Variants in CNTN6 observed in about 807,000 individuals in gnomAD.
CNTN6 encodes contactin 6, also known as contactin-6.
A neutral mutation model predicts 122.8 loss-of-function variants in CNTN6; 137 were observed. The observed-to-expected ratio is 1.12, with a 90% CI of 0.97 to 1.29. The LOEUF (loss-of-function observed/expected upper bound fraction) is 1.29, where lower values mean the gene tolerates loss of function less well. Among genes scored for constraint, CNTN6 ranks in the 50% most tolerant of loss-of-function variants. The pLI is 0.00. For missense variants in CNTN6, 1,634 were observed against 1,223.4 expected (o/e 1.34, Z -5.01); for synonymous variants, 570 against 426.0 (o/e 1.34, Z -4.16).
chr3:1,247,708 C>G (rs2094601927), intron 4 of CNTN6, among the ~76,000 whole-genome samples: 1 of 152,190 alleles, frequency 6.6e-6, no homozygotes, highest in Admixed American at 6.5e-5. Context: ...GAACCTGCAT[C>G]AAGAGCAGTG....
chr3:1,314,238 G>A (rs892664456), intron 7 of CNTN6, among the ~76,000 whole-genome samples: 1 of 152,038 alleles, frequency 6.6e-6, no homozygotes, highest in African/African-American at 2.4e-5. Flanking sequence ...ATTTCAAATT[G>A]GGGAAATGAA....
intron 7 of CNTN6, among the ~76,000 whole-genome samples, chr3:1,307,622 T>G (rs1698570443): frequency 1.3e-5 from 2 of 152,160 alleles, no homozygotes; most frequent in Admixed American, 1.3e-4. Flanking sequence ...ATTCCAAGAT[T>G]CCATCCAGAA....
At chr3:1,343,714 C>G (rs1432500869) in intron 11 of CNTN6, among the ~76,000 whole-genome samples, 1 of 151,760 alleles carries the variant, frequency 6.6e-6, no homozygotes, top group Non-Finnish European at 1.5e-5. Context: ...GGCTCTCTCT[C>G]TCTATATATA....
intron 1 of CNTN6, among the ~76,000 whole-genome samples, chr3:1,110,168 A>G (rs149167059): frequency 6.6e-6 from 1 of 152,146 alleles, no homozygotes; most frequent in Non-Finnish European, 1.5e-5. Context: ...CAAGTCCTAT[A>G]AAAACAGATA....
intron 7 of CNTN6, among the ~76,000 whole-genome samples, chr3:1,308,256 T>A (rs1698668035): frequency 6.6e-6 from 1 of 151,506 alleles, no homozygotes; most frequent in Admixed American, 6.6e-5. Flanking sequence ...CTTGTGCCCT[T>A]TGTTATGCAC....
chr3:1,172,810 T>C (rs192725136), intron 2 of CNTN6, among the ~76,000 whole-genome samples: 15 of 152,352 alleles, frequency 9.8e-5, no homozygotes, highest in Non-Finnish European at 1.8e-4. Flanking sequence ...GTTCTATCTA[T>C]AGCCCTGTCA....
chr3:1,185,186 T>G (rs2093611114), intron 2 of CNTN6, among the ~76,000 whole-genome samples: 1 of 152,184 alleles, frequency 6.6e-6, no homozygotes, highest in South Asian at 2.1e-4. Context: ...TAATAGAATA[T>G]GTCCTATTTG....
chr3:1,283,774 C>T (rs965890940), intron 5 of CNTN6, among the ~76,000 whole-genome samples: 2 of 152,038 alleles, frequency 1.3e-5, no homozygotes, highest in African/African-American at 4.8e-5. Context: ...CCAAGGTGGG[C>T]AGATCACCTG....
At chr3:1,246,772 T>C (rs947277572) in intron 4 of CNTN6, among the ~76,000 whole-genome samples, 2 of 152,192 alleles carry the variant, frequency 1.3e-5, no homozygotes, top group African/African-American at 2.4e-5. Context: ...TCCTGATCAC[T>C]AATGAAATTG....
chr3:1,321,927 C>A, intron 8 of CNTN6, 93 bp downstream of exon 8: 1 of 1,121,724 alleles, frequency 8.9e-7, no homozygotes, highest in South Asian at 1.6e-5. Flanking sequence ...GAAAAAGTGT[C>A]ACGGGAGAAA....
chr3:1,379,132 T>C (rs1358902851), intron 17 of CNTN6, among the ~76,000 whole-genome samples: 2 of 152,154 alleles, frequency 1.3e-5, no homozygotes, highest in East Asian at 3.9e-4. Flanking sequence ...CAGTCTATAA[T>C]GAGGGCCCAA....
chr3:1,248,933 C>T (rs1293692735), intron 4 of CNTN6, among the ~76,000 whole-genome samples: 1 of 152,128 alleles, frequency 6.6e-6, no homozygotes, highest in East Asian at 1.9e-4. Context: ...CTTCCTTAAT[C>T]ATTCAACTAA....
chr3:1,147,496 C>T (rs1200257232), intron 1 of CNTN6, among the ~76,000 whole-genome samples: 1 of 152,044 alleles, frequency 6.6e-6, no homozygotes, highest in Non-Finnish European at 1.5e-5. Flanking sequence ...TTAGATTTCT[C>T]TTTTGGGCTA....
At chr3:1,372,579 CACTG>C (rs746807466) in intron 13 of CNTN6, 105 bp downstream of exon 13, 8 of 980,642 alleles carry the variant, frequency 8.2e-6, no homozygotes, top group African/African-American at 3.3e-5. Context: ...CATGGATAAT[CACTG>C]ACTGTTTTTG....
intron 4 of CNTN6, among the ~76,000 whole-genome samples, chr3:1,268,192 T>C (rs1255598091): frequency 6.6e-6 from 1 of 152,190 alleles, no homozygotes; most frequent in East Asian, 1.9e-4. Flanking sequence ...TTCTGGCTAT[T>C]GTATGTCCAC....
At chr3:1,193,159 C>G (rs374766756) in intron 2 of CNTN6, among the ~76,000 whole-genome samples, 2 of 152,134 alleles carry the variant, frequency 1.3e-5, no homozygotes, top group African/African-American at 4.8e-5. Context: ...CCAAATTAAG[C>G]GCAGGTTAAC....
At chr3:1,191,572 T>C (rs1268772349) in intron 2 of CNTN6, among the ~76,000 whole-genome samples, 1 of 152,180 alleles carries the variant, frequency 6.6e-6, no homozygotes, top group African/African-American at 2.4e-5. Flanking sequence ...TGTTTATTCG[T>C]ATCTTTGTAA....
chr3:1,270,049 T>G (rs1274986917), intron 4 of CNTN6, among the ~76,000 whole-genome samples: 2 of 152,204 alleles, frequency 1.3e-5, no homozygotes, highest in African/African-American at 4.8e-5. Context: ...TTTACAGCGT[T>G]TGACAATAAC....
At chr3:1,385,821 A>G in intron 20 of CNTN6, 24 bp downstream of exon 20, 1 of 1,571,194 alleles carries the variant, frequency 6.4e-7, no homozygotes, top group Non-Finnish European at 8.6e-7. Flanking sequence ...CACTCCAGGA[A>G]ACAAGATTCA....
Sources: allele counts gnomAD v4.1 joint callset (sites outside exome capture counted in the v4.1 genomes callset), GRCh38; gene constraint gnomAD v4.1.1; transcripts MANE v1.5; gene names NCBI Gene and HGNC (gene_info 2026-07-23, HGNC 2026-07-21).